Variants in ATP9B observed in about 807,000 individuals in gnomAD.
ATP9B encodes the protein ATPase phospholipid transporting 9B, also known as probable phospholipid-transporting ATPase IIB.
ATP9B carries 110 observed loss-of-function variants against 146.1 expected under a neutral mutation model. The ratio of observed to expected loss-of-function variants is 0.75; its 90% confidence interval spans 0.65 to 0.88. The LOEUF (loss-of-function observed/expected upper bound fraction) is 0.88, where lower values mean the gene tolerates loss of function less well. Ranked by LOEUF, ATP9B falls within the 40% of genes least tolerant of loss-of-function variation. The pLI, the probability that ATP9B is intolerant of heterozygous loss-of-function variation, is 0.00. For synonymous variants in ATP9B, 604 were observed against 569.7 expected, an observed-to-expected ratio of 1.06 and a Z score of -0.86; for missense variants, 1,499 against 1,496.4, an observed-to-expected ratio of 1.00 and a Z score of -0.03.
rs1158260413 is a variant in ATP9B, at chr18:79,176,825, T to C, written c.791T>C (p.Ile264Thr). ...CTCTACTTCCAAGGTTCGTGTTTTA[T>C]TCGAACTGATCAACTAGATGGTGAA... The part of the protein sequence containing the change: ...RTSEKAGSCF[I>T]RTDQLDGETD... The change falls in exon 8 of 30, where the codon ATT (isoleucine) becomes ACT (threonine). Residue 264 changes from isoleucine to threonine, a missense_variant. Coordinates refer to ENST00000426216, the MANE Select transcript of ATP9B (RefSeq NM_198531.5). The C allele has an allele frequency of 6.2e-7, 1 of 1,614,128 alleles. No individual in the cohort carries two copies. Among genetic ancestry groups the C allele is most frequent in the South Asian group, 1.1e-5 (1 of 91,080 alleles).
intron 10 of ATP9B, among the ~76,000 whole-genome samples, chr18:79,211,280 G>C (rs1363385565): frequency 6.6e-6 from 1 of 152,214 alleles, no homozygotes; most frequent in Non-Finnish European, 1.5e-5. Flanking sequence ...AAATACAACT[G>C]TAGTCAATTA....
chr18:79,199,778 A>G (rs1400420998), intron 9 of ATP9B, among the ~76,000 whole-genome samples: 1 of 135,778 alleles, frequency 7.4e-6, no homozygotes, highest in Non-Finnish European at 1.6e-5. Flanking sequence ...AAAAAAAAAA[A>G]GAAAAATGCA....
intron 1 of ATP9B, among the ~76,000 whole-genome samples, chr18:79,089,444 T>A (rs1475813562): frequency 6.6e-6 from 1 of 152,184 alleles, no homozygotes; most frequent in Non-Finnish European, 1.5e-5. Flanking sequence ...ACTGTGCACG[T>A]GCCCAGCTGG....
In ATP9B at chr18:79,345,784, G is replaced by A. The variant is rs773099033; in HGVS notation, c.2627G>A (p.Gly876Glu). The A allele has an allele frequency of 5.0e-6, 8 of 1,614,152 alleles. No homozygotes were observed. Among genetic ancestry groups the A allele is most frequent in the Non-Finnish European group, 5.9e-6 (7 of 1,180,056 alleles). The change falls in exon 23 of 30, where the codon GGA becomes GAA. Residue 876 changes from glycine (G) to glutamate (E), a missense_variant. Physicochemically the swap from Gly to Glu is moderately conservative, Grantham distance 98 (BLOSUM62 -2). Transcript: ENST00000426216. ...GRRTCAIGDGGNDVSMIQAAD... is the reference protein window; with the variant it reads ...GRRTCAIGDGENDVSMIQAAD... ...TTTTCTTGCTTCGCAGGTGATGGAGGAAATGATGTCAGCATGATTCAGGCA... is the reference window on the plus strand; with the variant it reads ...TTTTCTTGCTTCGCAGGTGATGGAGAAAATGATGTCAGCATGATTCAGGCA...
intron 25 of ATP9B, among the ~76,000 whole-genome samples, chr18:79,349,812 T>A (rs558888366): frequency 5.2e-4 from 79 of 152,016 alleles, no homozygotes; most frequent in Non-Finnish European, 8.4e-4. Context: ...CTCTCTGTCC[T>A]CTGGCCTCCA....
At chr18:79,201,833 A>C (rs2095491479) in intron 9 of ATP9B, among the ~76,000 whole-genome samples, 1 of 152,176 alleles carries the variant, frequency 6.6e-6, no homozygotes, top group Admixed American at 6.5e-5. Context: ...TGCTGGGATT[A>C]CAGGCGTGAG....
chr18:79,368,999 G>A (rs2097052604), intron 26 of ATP9B, among the ~76,000 whole-genome samples: 1 of 151,762 alleles, frequency 6.6e-6, no homozygotes, highest in Non-Finnish European at 1.5e-5. Flanking sequence ...CTCTCTGTTT[G>A]GAGGGTTTGT....
chr18:79,203,883 C>CT lies in ATP9B; in HGVS notation c.955-3046dup, dbSNP rs546414916. 1.5e-3 allele frequency among the ~76,000 whole-genome samples: 225 copies of CT among 152,132 alleles called. 1 individual carries two copies. Among genetic ancestry groups the CT allele is most frequent in the African/African-American group, 5.1e-3 (212 of 41,520 alleles). The stretch of plus-strand genomic sequence containing the variant: ...TTCAACAGTGTTAGAGGATATATAT[C>CT]TTTTTTTTGTTTCTTCAATAGTGTT... On this transcript the variant is annotated intron_variant, in intron 9 of 29. Coordinates refer to ENST00000426216, the MANE Select transcript of ATP9B (RefSeq NM_198531.5).
intron 15 of ATP9B, 121 bp downstream of exon 15, chr18:79,307,355 G>C (rs2096625347): frequency 7.1e-7 from 1 of 1,416,702 alleles, no homozygotes; most frequent in Admixed American, 2.3e-5. Flanking sequence ...TTTAATGTAT[G>C]TTTTAGCTGT....
At chr18:79,081,181 T>TTAAGA (rs2073224097) in intron 1 of ATP9B, among the ~76,000 whole-genome samples, 1 of 152,174 alleles carries the variant, frequency 6.6e-6, no homozygotes, top group African/African-American at 2.4e-5. Context: ...TTGGAATAGT[T>TTAAGA]TCAGAAGGAA....
At chr18:79,158,266 A>T (rs1181224830) in intron 7 of ATP9B, among the ~76,000 whole-genome samples, 1 of 151,608 alleles carries the variant, frequency 6.6e-6, no homozygotes, top group South Asian at 2.1e-4. Flanking sequence ...TTTAGTTTTT[A>T]TTTTTATTTT....
chr18:79,120,652 A>T (rs550293155), intron 4 of ATP9B, among the ~76,000 whole-genome samples: 1 of 152,342 alleles, frequency 6.6e-6, no homozygotes, highest in South Asian at 2.1e-4. Flanking sequence ...ACAAAACAGA[A>T]TGTCATGCTT....
intron 1 of ATP9B, among the ~76,000 whole-genome samples, chr18:79,080,555 G>A (rs913193739): frequency 5.3e-5 from 8 of 151,998 alleles, no homozygotes; most frequent in Non-Finnish European, 1.2e-4. Context: ...ATACAATCAT[G>A]TCATCCACAA....
chr18:79,100,916 A>G (rs964910809), intron 2 of ATP9B, among the ~76,000 whole-genome samples: 1 of 152,198 alleles, frequency 6.6e-6, no homozygotes, highest in Non-Finnish European at 1.5e-5. Context: ...ACAGCCCAGG[A>G]AAGTCCCACC....
intron 26 of ATP9B, chr18:79,364,242 GGC>G (rs2097012143): frequency 6.6e-6 from 1 of 150,716 alleles, no homozygotes; most frequent in African/African-American, 2.4e-5. Flanking sequence ...CTCCAGCCTG[GGC>G]GACAGAGCGA....
intron 26 of ATP9B, chr18:79,361,554 C>G (rs2096988932): frequency 6.5e-6 from 1 of 153,612 alleles, no homozygotes. Flanking sequence ...TGCAGTCACT[C>G]ATTTTCTCTA....
Position 79,367,197 on chromosome 18 carries a change from G to GTCCACCA in ATP9B, c.3013-5627_3013-5626insCCACCAT, listed in dbSNP as rs1206405067. On this transcript the variant is annotated intron_variant, in intron 26 of 29. Transcript: ENST00000426216. ...GCACACAGATACCTTCACCTCCACC[G>GTCCACCA]TGTGTATGCAGAGAAAGTGCCTCCT... is the stretch of plus-strand genomic sequence containing the variant. Among the ~76,000 whole-genome samples the GTCCACCA allele has an allele frequency of 7.6e-5, 6 of 78,596 alleles. 2 individuals carry two copies. Among genetic ancestry groups the GTCCACCA allele is most frequent in the African/African-American group, 2.7e-4 (5 of 18,640 alleles). 51.6% of individuals were successfully genotyped at this position (78,596 alleles called of 152,430 possible).
chr18:79,342,222 C>G, intron 19 of ATP9B, 46 bp from the exon 20 acceptor site: 1 of 1,424,432 alleles, frequency 7.0e-7, no homozygotes, highest in Non-Finnish European at 9.9e-7. Context: ...CAGAAATGAA[C>G]GTGTCCTTGT....
At chr18:79,376,356 A>G (rs191978555) in intron 29 of ATP9B, 690 of 984,454 alleles carry the variant, frequency 7.0e-4, no homozygotes, top group Non-Finnish European at 7.7e-4. Flanking sequence ...CCACCCATTC[A>G]GTGGTGTTTG....
Sources: allele counts gnomAD v4.1 joint callset (sites outside exome capture counted in the v4.1 genomes callset), GRCh38; gene constraint gnomAD v4.1.1; transcripts MANE v1.5; gene names NCBI Gene and HGNC (gene_info 2026-07-23, HGNC 2026-07-21).